The following TMPO variants were observed in gnomAD, a reference collection of about 807,000 sequenced individuals.
TMPO encodes the protein thymopoietin.
TMPO carries 22 observed loss-of-function variants against 45.4 expected under a neutral mutation model. The observed-to-expected ratio is 0.48, with a 90% confidence interval of 0.35 to 0.69. The LOEUF (loss-of-function observed/expected upper bound fraction) is 0.69, where lower values mean the gene tolerates loss of function less well. Ranked by LOEUF, TMPO falls within the 30% of genes least tolerant of loss-of-function variation. TMPO has a pLI of 0.01. For missense variants in TMPO, 512 were observed against 548.8 expected, an observed-to-expected ratio of 0.93 and a Z score of 0.67; for synonymous variants, 241 against 204.1, an observed-to-expected ratio of 1.18 and a Z score of -1.54.
intron 1 of TMPO, among the ~76,000 whole-genome samples, chr12:98,525,810 A>G (rs910360307): frequency 2.6e-5 from 4 of 152,214 alleles, no homozygotes; most frequent in Non-Finnish European, 5.9e-5. Context: ...TGTTAAAAAC[A>G]GTAATTCCAG....
intron 3 of TMPO, chr12:98,533,031 C>G (rs1227161721): frequency 6.2e-7 from 1 of 1,613,458 alleles, no homozygotes; most frequent in Non-Finnish European, 8.5e-7. Context: ...CTCTTGTTGC[C>G]ACAAACTTGC....
intron 3 of TMPO, among the ~76,000 whole-genome samples, chr12:98,537,188 C>CA (rs1445087396): frequency 1.3e-5 from 2 of 152,096 alleles, no homozygotes; most frequent in East Asian, 3.8e-4. Flanking sequence ...ATTTTGAACT[C>CA]ACTTCATGTT....
chr12:98,544,118 A>G, intron 4 of TMPO, 112 bp from the exon 5 acceptor site: 2 of 1,192,068 alleles, frequency 1.7e-6, no homozygotes, highest in South Asian at 2.5e-5. Flanking sequence ...CTTGTTTGTA[A>G]ATGCTGGCAT....
chr12:98,536,382 T>G (rs1877566443), intron 3 of TMPO, among the ~76,000 whole-genome samples: 1 of 152,140 alleles, frequency 6.6e-6, no homozygotes. Flanking sequence ...AAATGAAGTT[T>G]CGCTCTTGTC....
chr12:98,539,985 T>A (rs73384416), intron 4 of TMPO, among the ~76,000 whole-genome samples: 2,209 of 152,310 alleles, frequency 0.015, 68 homozygotes, highest in African/African-American at 0.05. Flanking sequence ...GTTTCAGAAA[T>A]GTTTCGTTTA....
Position 98,515,867 on chromosome 12 carries a change from G to C in TMPO, c.-1G>C, listed in dbSNP as rs1229477397. 1.2e-6 allele frequency: 2 copies of C among 1,612,592 alleles called. No homozygotes were observed. The highest frequency in any genetic ancestry group is 1.7e-6 in the Non-Finnish European group (2 of 1,179,364). On this transcript the variant is annotated 5_prime_UTR_variant, in exon 1 of 9. Coordinates refer to ENST00000556029, the MANE Select transcript of TMPO (RefSeq NM_001032283.3). Reference sequence around the variant, plus strand: ...GGGAGGGGGCTTCGCAGATCCCCGAGATGCCGGAGTTCCTGGAAGACCCCT... The same window carrying C: ...GGGAGGGGGCTTCGCAGATCCCCGACATGCCGGAGTTCCTGGAAGACCCCT...
chr12:98,540,204 A>G (rs1231103082), intron 4 of TMPO, among the ~76,000 whole-genome samples: 2 of 152,142 alleles, frequency 1.3e-5, no homozygotes, highest in Non-Finnish European at 2.9e-5. Context: ...TAGCTTCTCT[A>G]TACGCTGCAT....
chr12:98,536,201 T>G (rs1044018222), intron 3 of TMPO, among the ~76,000 whole-genome samples: 1 of 152,218 alleles, frequency 6.6e-6, no homozygotes, highest in African/African-American at 2.4e-5. Flanking sequence ...TGACCACTTT[T>G]TCACACAAGT....
intron 1 of TMPO, chr12:98,516,606 C>G: frequency 8.5e-6 from 8 of 938,768 alleles, no homozygotes; most frequent in Non-Finnish European, 1.0e-5. Context: ...TGATGACACT[C>G]TAATTTCTAA....
intron 1 of TMPO, among the ~76,000 whole-genome samples, chr12:98,527,272 C>T (rs1311842324): frequency 1.4e-5 from 2 of 142,526 alleles, no homozygotes; most frequent in Non-Finnish European, 3.0e-5. Flanking sequence ...CCAAGGTGGG[C>T]TGATCACTTG....
intron 1 of TMPO, among the ~76,000 whole-genome samples, chr12:98,524,423 T>C (rs763904342): frequency 7.2e-5 from 11 of 151,930 alleles, no homozygotes; most frequent in Non-Finnish European, 1.0e-4. Context: ...AGTACAAAAA[T>C]TAGCTGGGCG....
chr12:98,521,695 T>C (rs1312079916), intron 1 of TMPO, among the ~76,000 whole-genome samples: 2 of 152,178 alleles, frequency 1.3e-5, no homozygotes, highest in Non-Finnish European at 2.9e-5. Context: ...TTGGATCTAG[T>C]GGAGCATAAT....
chr12:98,527,902 C>G lies in TMPO; in HGVS notation c.296C>G (p.Thr99Ser), dbSNP rs529351559. Residue 99 changes from threonine (T) to serine (S), a missense_variant, in exon 2 of 9, where the codon ACT becomes AGT. By Grantham distance (58) the Thr-to-Ser change is moderately conservative. Around this residue, in one of 3 missense-constraint regions of TMPO, gnomAD observed 299 missense variants for 296.7 expected, o/e 1.01. Coordinates refer to ENST00000556029, the MANE Select transcript of TMPO (RefSeq NM_001032283.3). ...TGTTTACAGAAAGCCACAAAAAAAA[C>G]TGATAAACCCAGACAAGAAGATAAA... ...AAVGRKATKK[T>S]DKPRQEDKDD... The G allele has an allele frequency of 2.5e-6, 4 of 1,613,664 alleles. No homozygotes were observed. The African/African-American group carries it at 5.3e-5, about 22-fold the overall frequency.
At chr12:98,535,454 G>A in intron 3 of TMPO, 1 of 985,216 alleles carries the variant, frequency 1.0e-6, no homozygotes, top group Non-Finnish European at 1.2e-6. Context: ...ACTCCCTCTG[G>A]CCATTACCAC....
intron 1 of TMPO, among the ~76,000 whole-genome samples, chr12:98,520,229 G>A (rs914712800): frequency 6.6e-6 from 1 of 150,574 alleles, no homozygotes; most frequent in Non-Finnish European, 1.5e-5. Flanking sequence ...CAAAGTGCTG[G>A]GATTACAGGC....
At chr12:98,544,636 A>G in intron 6 of TMPO, 99 bp downstream of exon 6, 2 of 920,518 alleles carry the variant, frequency 2.2e-6, no homozygotes, top group Non-Finnish European at 3.2e-6. Flanking sequence ...TCAAATTTAC[A>G]TGTTTTTTTT....
At chr12:98,534,536 G>T (rs897077253) in intron 3 of TMPO, 144 of 1,390,428 alleles carry the variant, frequency 1.0e-4, no homozygotes, top group Non-Finnish European at 1.1e-4. Flanking sequence ...GCGTAGATAG[G>T]AAGCCTGGTA....
intron 1 of TMPO, among the ~76,000 whole-genome samples, chr12:98,524,658 A>T (rs1565806469): frequency 1.3e-5 from 2 of 151,904 alleles, no homozygotes; most frequent in Non-Finnish European, 2.9e-5. Flanking sequence ...CAGTGGCATG[A>T]TGTCGACTCA....
At position 98,533,471 on chromosome 12, in the gene TMPO, T is replaced by C. The variant is rs149120802; in HGVS notation, c.565+1633T>C. On this transcript the variant is annotated intron_variant, in intron 3 of 8. Transcript: ENST00000556029. ...TCTAACTCTATGCCCCCACTGGATGTAGAAAACATACAGAAGAGAATTGAT... is the reference window on the plus strand; with the variant it reads ...TCTAACTCTATGCCCCCACTGGATGCAGAAAACATACAGAAGAGAATTGAT... 1.9e-6 allele frequency: 3 copies of C among 1,614,046 alleles called. No homozygotes were observed. Among genetic ancestry groups the C allele is most frequent in the Non-Finnish European group, 2.5e-6 (3 of 1,180,034 alleles).
Sources: allele counts gnomAD v4.1 joint callset (sites outside exome capture counted in the v4.1 genomes callset), GRCh38; gene constraint gnomAD v4.1.1; regional missense constraint gnomAD v4.1.1; transcripts MANE v1.5; gene names NCBI Gene and HGNC (gene_info 2026-07-23, HGNC 2026-07-21).